LYPD6: variants seen among roughly 807,000 people sequenced by gnomAD.
The protein encoded by LYPD6 is LY6/PLAUR domain containing 6.
LYPD6 carries 15 observed loss-of-function variants against 22.7 expected under a neutral mutation model. The observed-to-expected ratio is 0.66, with a 90% CI of 0.44 to 1.02. The LOEUF (loss-of-function observed/expected upper bound fraction) is 1.02. LYPD6 is among the 50% of genes least tolerant of loss of function. LYPD6 has a pLI of 0.00. For synonymous variants in LYPD6, 72 were observed against 77.5 expected (o/e 0.93, Z 0.37); for missense variants, 189 against 208.4 (o/e 0.91, Z 0.57).
rs1681611970 is a variant in LYPD6 at position 149,363,756 on chromosome 2, T to TA, written c.-72+33035dup. 3.3e-5 allele frequency among the ~76,000 whole-genome samples: 5 copies of TA among 152,214 alleles called. No homozygotes were observed. The South Asian group carries it at 1.0e-3, about 32-fold the overall frequency. On this transcript the variant is annotated intron_variant, in intron 1 of 4. Coordinates refer to ENST00000334166, the MANE Select transcript of LYPD6 (RefSeq NM_194317.5). ...TTTGAGAAACAGCAGGCACTACACA[T>TA]ATGCTATTTATAAGTATATATTTGG... is the stretch of plus-strand genomic sequence containing the variant.
chr2:149,422,629 C>T (rs1023664153), intron 1 of LYPD6, among the ~76,000 whole-genome samples: 1 of 152,296 alleles, frequency 6.6e-6, no homozygotes, highest in Non-Finnish European at 1.5e-5. Flanking sequence ...GAACTATTCT[C>T]TTAGCAAGTT....
At chr2:149,464,125 A>C (rs1681148722) in intron 3 of LYPD6, 2 of 421,062 alleles carry the variant, frequency 4.7e-6, no homozygotes, top group Non-Finnish European at 4.7e-6. Context: ...AAAAAAAAAA[A>C]AACAGTTTAA....
chr2:149,404,358 C>T (rs1682641024), intron 1 of LYPD6, among the ~76,000 whole-genome samples: 1 of 152,088 alleles, frequency 6.6e-6, no homozygotes, highest in Admixed American at 6.6e-5. Flanking sequence ...ATTCTTCCTA[C>T]CCATGAGCAT....
intron 1 of LYPD6, among the ~76,000 whole-genome samples, chr2:149,399,497 T>C (rs1265219173): frequency 6.6e-6 from 1 of 152,022 alleles, no homozygotes; most frequent in Non-Finnish European, 1.5e-5. Context: ...CATTTAAACA[T>C]ATTATATTTG....
chr2:149,399,647 A>T (rs1407763145), intron 1 of LYPD6, among the ~76,000 whole-genome samples: 1 of 151,258 alleles, frequency 6.6e-6, no homozygotes, highest in African/African-American at 2.4e-5. Flanking sequence ...ATATAAAAAT[A>T]TAAAAATAAA....
intron 1 of LYPD6, among the ~76,000 whole-genome samples, chr2:149,423,479 TTC>T (rs1231929371): frequency 1.1e-4 from 16 of 152,094 alleles, no homozygotes; most frequent in African/African-American, 3.9e-4. Flanking sequence ...ATTGCCTACT[TTC>T]TCTGTTGAAA....
At chr2:149,373,405 G>C (rs1681853591) in intron 1 of LYPD6, among the ~76,000 whole-genome samples, 1 of 152,142 alleles carries the variant, frequency 6.6e-6, no homozygotes, top group African/African-American at 2.4e-5. Flanking sequence ...AAATCACTTT[G>C]GGAGAGAGCA....
intron 2 of LYPD6, among the ~76,000 whole-genome samples, chr2:149,444,387 G>A (rs1044331361): frequency 7.2e-5 from 11 of 152,106 alleles, no homozygotes; most frequent in Non-Finnish European, 1.0e-4. Context: ...TGAAGGCTGG[G>A]GTAGCTGTGG....
In LYPD6 at chr2:149,381,142, G is replaced by A. The variant is rs141387261; in HGVS notation, c.-72+50420G>A. Among the ~76,000 whole-genome samples the A allele has an allele frequency of 7.5e-3, 1,135 of 152,244 alleles. 9 individuals are homozygous for A. The highest frequency in any genetic ancestry group is 7.7e-3 in the Non-Finnish European group (526 of 68,016). On this transcript the variant is annotated intron_variant, in intron 1 of 4. Transcript: ENST00000334166. ...ACAAAATGGAAGAAGAGGAACTGGAGACAAGTGTAAAGACTCTTGAAGAGT... is the reference window on the plus strand; with the variant it reads ...ACAAAATGGAAGAAGAGGAACTGGAAACAAGTGTAAAGACTCTTGAAGAGT...
At chr2:149,436,066 T>A (rs1683424327) in intron 1 of LYPD6, among the ~76,000 whole-genome samples, 1 of 152,246 alleles carries the variant, frequency 6.6e-6, no homozygotes, top group Non-Finnish European at 1.5e-5. Flanking sequence ...CCTTAGAGTG[T>A]TCTACTTTGT....
intron 3 of LYPD6, among the ~76,000 whole-genome samples, chr2:149,466,209 T>C (rs1681197095): frequency 6.6e-6 from 1 of 152,192 alleles, no homozygotes; most frequent in African/African-American, 2.4e-5. Context: ...ACAACACATA[T>C]AGAAGGTTCT....
chr2:149,414,824 G>A (rs1682927291), intron 1 of LYPD6, among the ~76,000 whole-genome samples: 1 of 152,198 alleles, frequency 6.6e-6, no homozygotes, highest in Non-Finnish European at 1.5e-5. Context: ...TTCTTAAGAG[G>A]CATTCTGTGG....
chr2:149,369,628 A>T (rs1293527035), intron 1 of LYPD6, among the ~76,000 whole-genome samples: 1 of 152,158 alleles, frequency 6.6e-6, no homozygotes, highest in South Asian at 2.1e-4. Context: ...CGTATCTACC[A>T]TGGGCAGCTG....
At chr2:149,448,818 A>G (rs1402344737) in intron 2 of LYPD6, among the ~76,000 whole-genome samples, 8 of 152,220 alleles carry the variant, frequency 5.3e-5, no homozygotes, top group African/African-American at 1.4e-4. Context: ...GGCTATTACA[A>G]ATAAAGTTGC....
chr2:149,475,295 G>A (rs1490382413), downstream of LYPD6, among the ~76,000 whole-genome samples: 1 of 152,092 alleles, frequency 6.6e-6, no homozygotes, highest in East Asian at 1.9e-4. Context: ...GTAACTGGGG[G>A]CACTTGAACT....
intron 1 of LYPD6, among the ~76,000 whole-genome samples, chr2:149,352,134 A>G (rs183159626): frequency 5.9e-5 from 9 of 152,194 alleles, no homozygotes; most frequent in South Asian, 2.1e-4. Flanking sequence ...ATGAGGAGGA[A>G]AAAAATGTGT....
chr2:149,417,849 C>A (rs775379789), intron 1 of LYPD6, among the ~76,000 whole-genome samples: 1 of 151,912 alleles, frequency 6.6e-6, no homozygotes, highest in African/African-American at 2.4e-5. Flanking sequence ...GTTTTGTTTT[C>A]TTTGTAACAC....
intron 3 of LYPD6, among the ~76,000 whole-genome samples, chr2:149,453,379 A>T (rs1208332111): frequency 6.6e-6 from 1 of 152,234 alleles, no homozygotes; most frequent in Non-Finnish European, 1.5e-5. Flanking sequence ...AAGACATTCC[A>T]GTTTTTAAAA....
intron 1 of LYPD6, among the ~76,000 whole-genome samples, chr2:149,422,962 T>A (rs1408900250): frequency 6.6e-6 from 1 of 152,178 alleles, no homozygotes; most frequent in Non-Finnish European, 1.5e-5. Context: ...GCCCTTTTAT[T>A]TCCAGTGCCC....
Sources: gnomAD v4.1 joint callset for allele counts (sites outside exome capture counted in the v4.1 genomes callset) on GRCh38, gnomAD v4.1.1 for gene constraint, MANE v1.5 for transcripts, NCBI Gene and HGNC (gene_info 2026-07-23, HGNC 2026-07-21) for gene names.